The following GUSB variants were observed in gnomAD, a reference collection of about 807,000 sequenced individuals.
GUSB encodes the protein beta-glucuronidase.
GUSB carries 51 observed loss-of-function variants against 74.6 expected under a neutral mutation model. The observed-to-expected ratio is 0.68, with a 90% CI of 0.55 to 0.86. The LOEUF (loss-of-function observed/expected upper bound fraction) is 0.86, where lower values mean the gene tolerates loss of function less well. GUSB is among the 40% of genes least tolerant of loss of function. GUSB has a pLI of 0.00. For synonymous variants in GUSB, 360 were observed against 348.3 expected, an observed-to-expected ratio of 1.03 and a Z score of -0.37; for missense variants, 736 against 853.7, an observed-to-expected ratio of 0.86 and a Z score of 1.72.
chr7:65,963,794 C>A (rs1298490213), intron 11 of GUSB, among the ~76,000 whole-genome samples: 2 of 152,200 alleles, frequency 1.3e-5, no homozygotes, highest in African/African-American at 4.8e-5. Flanking sequence ...GATCCTCCCA[C>A]CCTGACCTCC....
At chr7:65,963,212 A>G (rs879006680) in intron 11 of GUSB, among the ~76,000 whole-genome samples, 2 of 152,220 alleles carry the variant, frequency 1.3e-5, no homozygotes, top group Admixed American at 1.3e-4. Context: ...AACTGCCATC[A>G]GGGATGTCCC....
chr7:65,976,455 A>G (rs1180353303), intron 4 of GUSB, among the ~76,000 whole-genome samples: 1 of 151,504 alleles, frequency 6.6e-6, no homozygotes, highest in Non-Finnish European at 1.5e-5. Flanking sequence ...CCTCCCAAGT[A>G]CCTGGGATTA....
At chr7:65,964,201 G>A (rs1790680866) in intron 11 of GUSB, 122 bp downstream of exon 11, 1 of 948,670 alleles carries the variant, frequency 1.1e-6, no homozygotes. Context: ...AACCTACATG[G>A]ATTAAACCAG....
At chr7:65,964,694 G>A (rs531742499) in intron 10 of GUSB, among the ~76,000 whole-genome samples, 12 of 151,602 alleles carry the variant, frequency 7.9e-5, no homozygotes, top group Non-Finnish European at 1.2e-4. Flanking sequence ...ATTTATAAAC[G>A]TAATTTGACA....
chr7:65,980,545 T>C (rs905876750), intron 1 of GUSB, 136 bp from the exon 2 acceptor site: 2 of 822,790 alleles, frequency 2.4e-6, no homozygotes, highest in Non-Finnish European at 4.1e-6. Flanking sequence ...GACAGATAAC[T>C]TGCTGATGAC....
chr7:65,965,838 A>C (rs773769783), intron 10 of GUSB, among the ~76,000 whole-genome samples: 4 of 152,130 alleles, frequency 2.6e-5, no homozygotes, highest in Non-Finnish European at 5.9e-5. Flanking sequence ...CAGAGGTTCT[A>C]TCAGCACTGA....
intron 1 of GUSB, among the ~76,000 whole-genome samples, chr7:65,981,133 G>A (rs532791912): frequency 1.3e-5 from 2 of 152,286 alleles, no homozygotes; most frequent in Admixed American, 1.3e-4. Flanking sequence ...AGCGCTTTGG[G>A]AGGTCAACGT....
chr7:65,964,279 A>C, intron 11 of GUSB, 44 bp downstream of exon 11: 1 of 1,571,384 alleles, frequency 6.4e-7, no homozygotes, highest in South Asian at 1.1e-5. Flanking sequence ...AACCTGAAAA[A>C]ATGAGGACGG....
Position 65,980,297 on chromosome 7 carries a change from G to T in GUSB, c.323C>A (p.Pro108Gln). ...WVWYEREVILPERWTQDLRTR... is the reference protein window; with the variant it reads ...WVWYEREVILQERWTQDLRTR... Reference sequence around the variant, plus strand: ...GCGCAGGTCCTGGGTCCATCGCTCCGGCAGGATCACCTCCCGTTCGTACCA... The same window carrying T: ...GCGCAGGTCCTGGGTCCATCGCTCCTGCAGGATCACCTCCCGTTCGTACCA... Residue 108 changes from proline (P) to glutamine (Q), a missense_variant, in exon 2 of 12, where the codon CCG becomes CAG. Physicochemically the swap from Pro to Gln is moderately conservative, Grantham distance 76. Around this residue, in one of 2 missense-constraint regions of GUSB, gnomAD observed 368 missense variants for 363.8 expected, o/e 1.01. Transcript: ENST00000304895. 6.2e-7 allele frequency: 1 copy of T among 1,612,006 alleles called. No individual in the cohort carries two copies. The highest frequency in any genetic ancestry group is 8.5e-7 in the Non-Finnish European group (1 of 1,179,434).
At position 65,964,458 on chromosome 7, in the gene GUSB, C is replaced by G. The variant is rs760181741; in HGVS notation, c.1654G>C (p.Asp552His). 1.9e-6 allele frequency: 3 copies of G among 1,610,706 alleles called. No homozygotes were observed. The highest frequency in any genetic ancestry group is 4.5e-5 in the East Asian group (2 of 44,868). ...GAETIAGFHQ[D>H]PPLMFTEEYQ... ...TCTTCAGTGAACATCAGAGGTGGAT[C>G]CTAGGATTCAAGGCAAAGAGAATGT... Residue 552 changes from aspartate (D) to histidine (H), a missense_variant and splice_region_variant, in exon 11 of 12, where the codon GAT becomes CAT. Around this residue, in one of 2 missense-constraint regions of GUSB, gnomAD observed 368 missense variants for 489.9 expected, o/e 0.75. Transcript: ENST00000304895.
intron 9 of GUSB, among the ~76,000 whole-genome samples, chr7:65,968,259 C>T (rs779104786): frequency 5.5e-5 from 8 of 145,786 alleles, no homozygotes; most frequent in African/African-American, 2.0e-4. Context: ...AAACCTAGAA[C>T]GGGAACAGCT....
chr7:65,966,406 G>C (rs1473557458), intron 10 of GUSB, among the ~76,000 whole-genome samples: 1 of 151,846 alleles, frequency 6.6e-6, no homozygotes, highest in Non-Finnish European at 1.5e-5. Flanking sequence ...TGAGGGGCTG[G>C]ATGGGGTTCA....
At chr7:65,975,382 T>TAAA in intron 5 of GUSB, 1 of 380,854 alleles carries the variant, frequency 2.6e-6, no homozygotes. Flanking sequence ...CCCATCTCTA[T>TAAA]AAAAAAAAAA....
chr7:65,969,394 A>T (rs1300401595), intron 9 of GUSB, among the ~76,000 whole-genome samples: 1 of 151,966 alleles, frequency 6.6e-6, no homozygotes, highest in African/African-American at 2.4e-5. Context: ...AAATAAATAA[A>T]TAAATAAAGA....
At chr7:65,967,031 G>C (rs1790881555) in intron 10 of GUSB, among the ~76,000 whole-genome samples, 1 of 152,198 alleles carries the variant, frequency 6.6e-6, no homozygotes, top group African/African-American at 2.4e-5. Flanking sequence ...GAGGGCAGTG[G>C]AAACAGATCA....
chr7:65,969,435 T>G (rs1034289048), intron 9 of GUSB, among the ~76,000 whole-genome samples: 2 of 151,874 alleles, frequency 1.3e-5, no homozygotes, highest in African/African-American at 4.8e-5. Flanking sequence ...CTGCAACTCA[T>G]GCCTGTAATC....
chr7:65,962,205 C>T (rs1790546404), intron 11 of GUSB, among the ~76,000 whole-genome samples: 1 of 152,092 alleles, frequency 6.6e-6, no homozygotes, highest in East Asian at 1.9e-4. Flanking sequence ...TGCGTGGGAC[C>T]TACTCATGGA....
rs1325176990 is a variant in GUSB at position 65,973,217 on chromosome 7, C to T, written c.1391+1078G>A. On this transcript the variant is annotated intron_variant, in intron 8 of 11. Transcript: ENST00000304895. ...CTGTAATCCCAGCACTCTGGGAGGC[C>T]GAGGTAAGTGGATCTCCTGAGGTCA... 3.3e-5 allele frequency among the ~76,000 whole-genome samples: 5 copies of T among 151,886 alleles called. No homozygotes were observed. In the South Asian group the frequency reaches 1.0e-3, roughly 32 times the overall value.
chr7:65,982,051 A>T lies in GUSB; in HGVS notation c.133T>A (p.Trp45Arg). 6.2e-7 allele frequency: 1 copy of T among 1,610,936 alleles called. No individual in the cohort carries two copies. The highest frequency in any genetic ancestry group is 8.5e-7 in the Non-Finnish European group (1 of 1,179,376). The change falls in exon 1 of 12, where the codon TGG becomes AGG. Residue 45 changes from tryptophan (W) to arginine (R), a missense_variant. By Grantham distance (101) the Trp-to-Arg change is moderately radical. Coordinates refer to ENST00000304895, the MANE Select transcript of GUSB (RefSeq NM_000181.4). ...TCAGAGAAGTCGGCGCGGAAGCTCC[A>T]GAGGCCGTCCAGCTCCTTGCACTCC... ...SRECKELDGL[W>R]SFRADFSDNR... is the part of the protein sequence containing the mutation.
Sources: allele counts gnomAD v4.1 joint callset (sites outside exome capture counted in the v4.1 genomes callset), GRCh38; gene constraint gnomAD v4.1.1; regional missense constraint gnomAD v4.1.1; transcripts MANE v1.5; gene names NCBI Gene and HGNC (gene_info 2026-07-23, HGNC 2026-07-21).